MGAT4C: variants seen among roughly 807,000 people sequenced by gnomAD.
MGAT4C encodes the protein MGAT4 family member C, also known as alpha-1,3-mannosyl-glycoprotein 4-beta-N-acetylglucosaminyltransferase C.
MGAT4C carries 19 observed loss-of-function variants against 40.1 expected under a neutral mutation model. The ratio of observed to expected loss-of-function variants is 0.47; its 90% confidence interval spans 0.33 to 0.70. The LOEUF (loss-of-function observed/expected upper bound fraction) is 0.70, where lower values mean the gene tolerates loss of function less well. Ranked by LOEUF, MGAT4C falls within the 30% of genes least tolerant of loss-of-function variation. The pLI is 0.02. For synonymous variants in MGAT4C, 181 were observed against 187.1 expected, an observed-to-expected ratio of 0.97 and a Z score of 0.27; for missense variants, 491 against 563.2, an observed-to-expected ratio of 0.87 and a Z score of 1.30.
intron 2 of MGAT4C, among the ~76,000 whole-genome samples, chr12:86,009,032 T>A (rs1475515087): frequency 1.3e-5 from 2 of 152,158 alleles, no homozygotes; most frequent in Non-Finnish European, 2.9e-5. Flanking sequence ...TGATATGTAA[T>A]TTTCTTTTTT....
chr12:86,276,060 G>A (rs985660080), intron 4 of MGAT4C, among the ~76,000 whole-genome samples: 1 of 150,042 alleles, frequency 6.7e-6, no homozygotes, highest in Non-Finnish European at 1.5e-5. Flanking sequence ...GGAGCTTGCA[G>A]TGAGCCGAGA....
At chr12:86,647,359 C>T (rs1463184326) in intron 2 of MGAT4C, among the ~76,000 whole-genome samples, 3 of 151,884 alleles carry the variant, frequency 2.0e-5, no homozygotes, top group African/African-American at 4.8e-5. Context: ...TAACCTAAGC[C>T]AAACTTGCTC....
intron 1 of MGAT4C, among the ~76,000 whole-genome samples, chr12:86,190,217 G>C (rs569499317): frequency 6.6e-6 from 1 of 152,058 alleles, no homozygotes; most frequent in Non-Finnish European, 1.5e-5. Flanking sequence ...TTACACCAGG[G>C]ATTACTGAAA....
At chr12:86,266,274 T>C (rs1952784836) in intron 4 of MGAT4C, among the ~76,000 whole-genome samples, 1 of 152,202 alleles carries the variant, frequency 6.6e-6, no homozygotes, top group African/African-American at 2.4e-5. Flanking sequence ...GGCTATGGGT[T>C]TGTCATATAT....
intron 2 of MGAT4C, among the ~76,000 whole-genome samples, chr12:86,640,986 G>T (rs753304459): frequency 2.6e-5 from 4 of 151,920 alleles, no homozygotes; most frequent in East Asian, 1.9e-4. Flanking sequence ...TATAATTTCT[G>T]TTCTTGTACA....
At position 86,557,663 on chromosome 12, in the gene MGAT4C, C is replaced by T. The variant is rs111907200; in HGVS notation, c.-228-122398G>A. Among the ~76,000 whole-genome samples, 480 of 152,284 alleles carry T rather than the reference C, an allele frequency of 3.2e-3. 1 individual carries two copies. The highest frequency in any genetic ancestry group is 0.011 in the African/African-American group (464 of 41,556). ...ATTATATGGAGACTACATAACAGTA[C>T]CTGCTCAGAATCAAAGCCAAAACAC... On this transcript the variant is annotated intron_variant, in intron 2 of 7. Transcript: ENST00000548651.
chr12:86,112,412 T>C (rs1877608305), intron 1 of MGAT4C, among the ~76,000 whole-genome samples: 1 of 151,456 alleles, frequency 6.6e-6, no homozygotes, highest in Admixed American at 6.6e-5. Context: ...GAAAATGCCA[T>C]GAGTATCTTG....
intron 2 of MGAT4C, among the ~76,000 whole-genome samples, chr12:86,451,409 G>C (rs1957423731): frequency 6.6e-6 from 1 of 152,068 alleles, no homozygotes; most frequent in African/African-American, 2.4e-5. Context: ...GCCAGTCTCA[G>C]GTATTTCTTT....
chr12:86,205,597 A>G (rs1950219823), intron 1 of MGAT4C, among the ~76,000 whole-genome samples: 1 of 151,918 alleles, frequency 6.6e-6, no homozygotes, highest in Non-Finnish European at 1.5e-5. Flanking sequence ...AGCTATTAGT[A>G]TATATAACTT....
intron 4 of MGAT4C, among the ~76,000 whole-genome samples, chr12:86,313,891 G>A (rs1414406220): frequency 6.6e-6 from 1 of 152,166 alleles, no homozygotes; most frequent in Non-Finnish European, 1.5e-5. Flanking sequence ...GCACAAATGT[G>A]AAACAATCTT....
chr12:86,321,315 G>C (rs1472509622), intron 4 of MGAT4C, among the ~76,000 whole-genome samples: 1 of 152,102 alleles, frequency 6.6e-6, no homozygotes, highest in African/African-American at 2.4e-5. Context: ...CTAAAATGTA[G>C]CATTCATATC....
rs1031228043 is a variant in MGAT4C at position 86,132,397 on chromosome 12, A to T, written c.-56-82674T>A. On this transcript the variant is annotated intron_variant, in intron 1 of 4. Transcript: ENST00000611864. ...TTGCCTGAATTTTTCTATTGAGCTT[A>T]TGACTTAGAATAATTCTTCCTTTCA... Among the ~76,000 whole-genome samples the T allele has an allele frequency of 4.6e-5, 7 of 152,026 alleles. No individual in the cohort carries two copies. In the East Asian group the frequency reaches 1.2e-3, roughly 25 times the overall value.
intron 2 of MGAT4C, among the ~76,000 whole-genome samples, chr12:86,587,719 G>T (rs1225349271): frequency 6.6e-6 from 1 of 151,686 alleles, no homozygotes; most frequent in Non-Finnish European, 1.5e-5. Context: ...AATTGTGAAT[G>T]GGAGTTCACT....
chr12:86,131,959 G>T (rs1338777366), intron 1 of MGAT4C, among the ~76,000 whole-genome samples: 2 of 151,998 alleles, frequency 1.3e-5, no homozygotes, highest in Non-Finnish European at 2.9e-5. Context: ...AACGAGAATA[G>T]ATAACACTAA....
chr12:86,779,627 T>C (rs372308844), intron 1 of MGAT4C, among the ~76,000 whole-genome samples: 3 of 121,250 alleles, frequency 2.5e-5, no homozygotes, highest in Admixed American at 1.7e-4. Context: ...ATAATAATAA[T>C]AAAAGGCCGG....
At chr12:86,493,604 A>T (rs539741050) in intron 2 of MGAT4C, among the ~76,000 whole-genome samples, 1 of 145,540 alleles carries the variant, frequency 6.9e-6, no homozygotes, top group East Asian at 2.1e-4. Context: ...CAATGAGAAC[A>T]CATGGACACA....
rs543487130 is a variant in MGAT4C, at chr12:86,388,683, T to G, written c.-120+46474A>C. On this transcript the variant is annotated intron_variant, in intron 3 of 7. Transcript: ENST00000548651. ...ACACTTCAGCGTTTTTTGTTTTTTT[T>G]TTTTTTTTTTTTTTTTAGACAGAGT... Among the ~76,000 whole-genome samples, 694 of 146,512 alleles carry G rather than the reference T, an allele frequency of 4.7e-3. 14 individuals are homozygous for G. The South Asian group carries it at 0.063, about 13-fold the overall frequency.
chr12:86,390,594 C>A (rs1054261826), intron 3 of MGAT4C, among the ~76,000 whole-genome samples: 4 of 152,076 alleles, frequency 2.6e-5, no homozygotes, highest in Admixed American at 1.3e-4. Context: ...TCATACTATT[C>A]AGACATATGA....
chr12:86,097,575 T>G (rs971610169), intron 1 of MGAT4C, among the ~76,000 whole-genome samples: 1 of 151,634 alleles, frequency 6.6e-6, no homozygotes, highest in African/African-American at 2.4e-5. Context: ...TACTGGAAAT[T>G]ACCATAAGAC....
Sources: gnomAD v4.1 joint callset for allele counts (sites outside exome capture counted in the v4.1 genomes callset) on GRCh38, gnomAD v4.1.1 for gene constraint, MANE v1.5 for transcripts, NCBI Gene and HGNC (gene_info 2026-07-23, HGNC 2026-07-21) for gene names.